The following ATP11A variants were observed in gnomAD, a reference collection of about 807,000 sequenced individuals.
ATP11A encodes the protein phospholipid-transporting ATPase IH.
Under a neutral mutation model 154.4 loss-of-function variants are expected in ATP11A, and 81 were observed. The observed-to-expected ratio is 0.52, with a 90% confidence interval of 0.44 to 0.63. The LOEUF (loss-of-function observed/expected upper bound fraction) is 0.63. Ranked by LOEUF, ATP11A falls within the 30% of genes least tolerant of loss-of-function variation. The pLI is 0.00. For missense variants in ATP11A, 1,316 were observed against 1,474.3 expected (o/e 0.89, Z 1.76); for synonymous variants, 623 against 585.9 (o/e 1.06, Z -0.91).
intron 1 of ATP11A, among the ~76,000 whole-genome samples, chr13:112,755,141 AGT>A (rs1366800349): frequency 1.3e-5 from 2 of 152,162 alleles, no homozygotes; most frequent in Non-Finnish European, 2.9e-5. Context: ...GTCCCCAAAC[AGT>A]TACTTTTCTT....
chr13:112,827,928 G>A (rs1213343500), intron 12 of ATP11A, among the ~76,000 whole-genome samples: 3 of 152,238 alleles, frequency 2.0e-5, no homozygotes, highest in South Asian at 4.1e-4. Flanking sequence ...TCAGCAATGC[G>A]CAAACTATAA....
intron 8 of ATP11A, among the ~76,000 whole-genome samples, chr13:112,822,267 A>T (rs1205277891): frequency 6.6e-6 from 1 of 152,198 alleles, no homozygotes; most frequent in Non-Finnish European, 1.5e-5. Context: ...ATGAGAAGAG[A>T]TTATTTTTCC....
rs1162728007 is a variant in ATP11A, at chr13:112,746,673, G to A, written c.40-38462G>A. 1 of 148,624 alleles carries A rather than the reference G, an allele frequency of 6.7e-6. No individual in the cohort carries two copies. The highest frequency in any genetic ancestry group is 1.5e-5 in the Non-Finnish European group (1 of 67,590). 9.2% of individuals were successfully genotyped at this position (148,624 alleles called of 1,614,324 possible). On this transcript the variant is annotated intron_variant, in intron 1 of 29. Transcript: ENST00000375645. The surrounding 1 kb of genome is among the most constrained non-coding windows in gnomAD (Gnocchi z 4.1). ...CGATCCTCCCACCTCAGTCTCCCCA[G>A]TAGCTGGGATCACAGGCGTGCACCA... is the stretch of plus-strand genomic sequence containing the variant.
At chr13:112,756,552 G>A (rs2076838594) in intron 1 of ATP11A, among the ~76,000 whole-genome samples, 1 of 152,214 alleles carries the variant, frequency 6.6e-6, no homozygotes, top group South Asian at 2.1e-4. Context: ...GGGTCTAGCG[G>A]ATGGCGGGGC....
intron 29 of ATP11A, chr13:112,881,447 T>G: frequency 9.4e-7 from 1 of 1,064,804 alleles, no homozygotes; most frequent in South Asian, 3.0e-5. Flanking sequence ...TGGGTACCGG[T>G]ATGGCGTTCG....
intron 1 of ATP11A, among the ~76,000 whole-genome samples, chr13:112,784,333 G>C (rs2077569101): frequency 6.6e-6 from 1 of 152,184 alleles, no homozygotes; most frequent in Non-Finnish European, 1.5e-5. Flanking sequence ...ATGTCTTATG[G>C]AAAGCTGCCT....
chr13:112,881,776 G>A, intron 29 of ATP11A, 100 bp from the exon 30 acceptor site: 3 of 1,358,458 alleles, frequency 2.2e-6, no homozygotes, highest in Non-Finnish European at 3.0e-6. Flanking sequence ...AGCCCCGTGG[G>A]TATCCCTGAG....
At chr13:112,783,159 A>G (rs2077540432) in intron 1 of ATP11A, among the ~76,000 whole-genome samples, 1 of 152,226 alleles carries the variant, frequency 6.6e-6, no homozygotes, top group Admixed American at 6.5e-5. Context: ...CAGTGTGGAA[A>G]GACTTCCTCT....
At chr13:112,779,139 AGTAGCCGCTGGAG>A (rs2077430756) in intron 1 of ATP11A, among the ~76,000 whole-genome samples, 1 of 108,628 alleles carries the variant, frequency 9.2e-6, no homozygotes, top group African/African-American at 4.2e-5. Context: ...CGCTGGAGTG[AGTAGCCGCTGGAG>A]TGAGGAGTAG....
intron 1 of ATP11A, among the ~76,000 whole-genome samples, chr13:112,775,544 A>G (rs913596813): frequency 2.0e-5 from 3 of 152,258 alleles, no homozygotes; most frequent in African/African-American, 4.8e-5. Flanking sequence ...TTTTAAAAAG[A>G]AGGAGGCGAA....
intron 2 of ATP11A, among the ~76,000 whole-genome samples, chr13:112,788,032 C>T (rs2077703599): frequency 6.7e-6 from 1 of 150,162 alleles, no homozygotes; most frequent in Admixed American, 6.6e-5. Context: ...TTAATTCACA[C>T]CAAGTGTCCT....
chr13:112,785,048 ACGAACGTG>A lies in ATP11A; in HGVS notation c.40-85_40-78del, dbSNP rs2077589854. The stretch of plus-strand genomic sequence containing the variant: ...GCAGCAGGTACAGGTCTCCGTTCCG[ACGAACGTG>A]CCTCAAGGCAACACTCTGGGCAAGA... On this transcript the variant is annotated intron_variant, in intron 1 of 29. Transcript: ENST00000375645. The surrounding 1 kb of genome is among the most constrained non-coding windows in gnomAD (Gnocchi z 4.8). 1 of 1,359,474 alleles carries A rather than the reference ACGAACGTG, an allele frequency of 7.4e-7. No individual in the cohort carries two copies. Among genetic ancestry groups the A allele is most frequent in the Non-Finnish European group, 9.6e-7 (1 of 1,046,880 alleles). The allele number at this position is 1,359,474 out of a possible 1,614,324, so 84.2% of individuals were successfully genotyped here.
intron 1 of ATP11A, among the ~76,000 whole-genome samples, chr13:112,737,180 T>C (rs1000484872): frequency 1.3e-5 from 2 of 152,162 alleles, no homozygotes; most frequent in African/African-American, 2.4e-5. Flanking sequence ...TTCATTGATG[T>C]GAGGTTCAAA....
chr13:112,783,482 G>A (rs368729005), intron 1 of ATP11A, among the ~76,000 whole-genome samples: 17 of 152,332 alleles, frequency 1.1e-4, no homozygotes, highest in African/African-American at 2.9e-4. Context: ...GAAGCTCAGC[G>A]GGAAACTGTC....
chr13:112,885,913 T>A lies in ATP11A; in HGVS notation c.*4047T>A, dbSNP rs1170329372. 6.6e-6 allele frequency: 1 copy of A among 152,318 alleles called. No homozygotes were observed. Among genetic ancestry groups the A allele is most frequent in the Non-Finnish European group, 1.5e-5 (1 of 68,100 alleles). 9.4% of individuals were successfully genotyped at this position (152,318 alleles called of 1,614,324 possible). A position where few individuals can be genotyped will look rare whatever the true frequency, so the allele number is the denominator to read the frequency against. Reference sequence around the variant, plus strand: ...GCAGCTTCACTTACACCAGCTGCTCTGTGAGCAAGGCTTGGTGCCCTGGAC... The same window carrying A: ...GCAGCTTCACTTACACCAGCTGCTCAGTGAGCAAGGCTTGGTGCCCTGGAC... On this transcript the variant is annotated 3_prime_UTR_variant, in exon 30 of 30. Transcript: ENST00000375645.
At chr13:112,692,585 G>A (rs936489238) in intron 1 of ATP11A, among the ~76,000 whole-genome samples, 1 of 152,168 alleles carries the variant, frequency 6.6e-6, no homozygotes, top group Admixed American at 6.5e-5. Flanking sequence ...AATCTAAGCG[G>A]TAAATATTCT....
At chr13:112,871,176 G>C (rs1255393048) in intron 25 of ATP11A, among the ~76,000 whole-genome samples, 4 of 152,162 alleles carry the variant, frequency 2.6e-5, no homozygotes, top group Non-Finnish European at 2.9e-5. Context: ...CTCGCAGAAC[G>C]TTCCCGCCGC....
intron 17 of ATP11A, among the ~76,000 whole-genome samples, chr13:112,843,271 G>C (rs1367793329): frequency 6.6e-6 from 1 of 151,368 alleles, no homozygotes; most frequent in African/African-American, 2.4e-5. Context: ...CTAAAGCTGG[G>C]TGACGCATGG....
chr13:112,711,776 C>T (rs1229571092), intron 1 of ATP11A, among the ~76,000 whole-genome samples: 1 of 152,210 alleles, frequency 6.6e-6, no homozygotes, highest in East Asian at 1.9e-4. Context: ...TGGGAAACAG[C>T]CCGGATGTGT....
Sources: gnomAD v4.1 joint callset for allele counts (sites outside exome capture counted in the v4.1 genomes callset) on GRCh38, gnomAD v4.1.1 for gene constraint, Gnocchi (gnomAD v3.1) non-coding constraint, MANE v1.5 for transcripts, NCBI Gene and HGNC (gene_info 2026-07-23, HGNC 2026-07-21) for gene names.